PCDHGA3: variants seen among roughly 807,000 people sequenced by gnomAD.
PCDHGA3 encodes protocadherin gamma subfamily A, 3, also known as protocadherin gamma-A3.
Under a neutral mutation model 58.5 loss-of-function variants are expected in PCDHGA3, and 40 were observed. That is an observed-to-expected ratio of 0.68 (90% CI 0.53 to 0.89). The LOEUF is 0.89. Ranked by LOEUF, PCDHGA3 falls within the 40% of genes least tolerant of loss-of-function variation. The probability of loss-of-function intolerance (pLI) is 0.00; values close to 1 mark genes in which losing one functional copy is unlikely to be tolerated. For missense variants in PCDHGA3, 1,223 were observed against 1,195.9 expected (o/e 1.02, Z -0.33); for synonymous variants, 530 against 525.7 (o/e 1.01, Z -0.11).
At chr5:141,418,848 G>C (rs770294020) in intron 1 of PCDHGA3, 1 of 1,613,836 alleles carries the variant, frequency 6.2e-7, no homozygotes, top group Non-Finnish European at 8.5e-7. Flanking sequence ...CTCTCAACAC[G>C]GTGTAAAGTA....
intron 2 of PCDHGA3, among the ~76,000 whole-genome samples, chr5:141,497,879 G>A (rs62379207): frequency 4.6e-4 from 70 of 152,244 alleles, no homozygotes; most frequent in Non-Finnish European, 8.2e-4. Flanking sequence ...TGAAATAAGC[G>A]TTAGGATCTA....
chr5:141,459,574 T>G (rs1163443021), intron 1 of PCDHGA3, among the ~76,000 whole-genome samples: 6 of 152,226 alleles, frequency 3.9e-5, no homozygotes, highest in African/African-American at 1.4e-4. Flanking sequence ...AAAACAGAAT[T>G]GTTTTGGGGG....
At chr5:141,465,657 G>A (rs904553709) in intron 1 of PCDHGA3, among the ~76,000 whole-genome samples, 4 of 152,130 alleles carry the variant, frequency 2.6e-5, no homozygotes, top group East Asian at 1.9e-4. Flanking sequence ...CCAAAAAAGC[G>A]CTTGCCATGA....
intron 1 of PCDHGA3, chr5:141,357,273 C>T (rs111314276): frequency 6.2e-7 from 1 of 1,613,852 alleles, no homozygotes. Context: ...GCCTCACACT[C>T]TATCTCGTGG....
At chr5:141,378,443 A>C (rs1022226439) in intron 1 of PCDHGA3, 2 of 152,300 alleles carry the variant, frequency 1.3e-5, no homozygotes, top group Non-Finnish European at 2.9e-5. Context: ...GAATCGCTTG[A>C]ACCCATGAGG....
At chr5:141,415,478 GA>G (rs1209443921) in intron 1 of PCDHGA3, 2 of 1,613,964 alleles carry the variant, frequency 1.2e-6, no homozygotes, top group Non-Finnish European at 1.7e-6. Context: ...GCGGACTCGC[GA>G]AAGAGTCACC....
intron 1 of PCDHGA3, among the ~76,000 whole-genome samples, chr5:141,446,193 T>C (rs1402824950): frequency 6.6e-6 from 1 of 152,208 alleles, no homozygotes; most frequent in East Asian, 1.9e-4. Flanking sequence ...TTTATTATTA[T>C]ATTCCTAGGT....
intron 3 of PCDHGA3, among the ~76,000 whole-genome samples, chr5:141,505,729 G>A (rs1026403192): frequency 7.9e-5 from 12 of 152,286 alleles, no homozygotes; most frequent in African/African-American, 2.9e-4. Flanking sequence ...AGGGAATAGT[G>A]GTTACAAGTC....
At chr5:141,409,973 G>A in intron 1 of PCDHGA3, 1 of 1,613,380 alleles carries the variant, frequency 6.2e-7, no homozygotes, top group Non-Finnish European at 8.5e-7. Context: ...AGTGACTAAG[G>A]TGGTAGCGGT....
rs117064561 is a variant in PCDHGA3, at chr5:141,470,737, G to T, written c.2425-24070G>T. Among the ~76,000 whole-genome samples the T allele has an allele frequency of 1.9e-3, 295 of 152,132 alleles. 7 individuals carry two copies. In the East Asian group the frequency reaches 0.046, roughly 24 times the overall value. On this transcript the variant is annotated intron_variant, in intron 1 of 3. Coordinates refer to ENST00000253812, the MANE Select transcript of PCDHGA3 (RefSeq NM_018916.4). ...TTTTGAGTCAGGGTCTTGCTCTGTC[G>T]CCCTGGCTGGAGTGCAGTGGACTCA...
chr5:141,422,194 C>A, intron 1 of PCDHGA3: 1 of 1,562,366 alleles, frequency 6.4e-7, no homozygotes, highest in South Asian at 1.2e-5. Flanking sequence ...AATTCAAGGC[C>A]AAGATGGTGG....
intron 1 of PCDHGA3, among the ~76,000 whole-genome samples, chr5:141,457,190 G>A (rs2098913282): frequency 6.6e-6 from 1 of 152,200 alleles, no homozygotes; most frequent in African/African-American, 2.4e-5. Context: ...GTAGAGTGAG[G>A]AAAGCAGTTC....
rs778626948 is a variant in PCDHGA3 at position 141,346,211 on chromosome 5, G to A, written c.2178G>A (p.Gln726=). ...LRRWHKSRLL[Q]ASGGGLASTP... Reference sequence around the variant, plus strand: ...GCTGGCACAAGTCACGCCTGCTGCAGGCTTCGGGAGGCGGCTTGGCGAGTA... The same window carrying A: ...GCTGGCACAAGTCACGCCTGCTGCAAGCTTCGGGAGGCGGCTTGGCGAGTA... Residue 726 remains glutamine, a synonymous_variant, in exon 1 of 4, where the codon CAG becomes CAA. Coordinates refer to ENST00000253812, the MANE Select transcript of PCDHGA3 (RefSeq NM_018916.4). 2.5e-6 allele frequency: 4 copies of A among 1,614,182 alleles called. No homozygotes were observed. The highest frequency in any genetic ancestry group is 8.5e-7 in the Non-Finnish European group (1 of 1,180,026).
intron 1 of PCDHGA3, chr5:141,372,877 A>G: frequency 1.6e-6 from 2 of 1,270,298 alleles, no homozygotes; most frequent in Non-Finnish European, 2.1e-6. Flanking sequence ...TAGAGATAAA[A>G]AGAATACAGA....
In PCDHGA3 at chr5:141,423,270, T is replaced by G. The variant is rs1304998648; in HGVS notation, c.2425-71537T>G. 3 of 1,613,686 alleles carry G rather than the reference T, an allele frequency of 1.9e-6. No homozygotes were observed. The African/African-American group carries it at 4.0e-5, about 22-fold the overall frequency. ...TGGCGGACCTCGGCAGCCTCGAGTC[T>G]CTGGCTAACTCTGAAACCTCAGACC... is the stretch of plus-strand genomic sequence containing the variant. On this transcript the variant is annotated intron_variant, in intron 1 of 3. Transcript: ENST00000253812.
At chr5:141,368,540 A>AT (rs34785174) in intron 1 of PCDHGA3, among the ~76,000 whole-genome samples, 26 of 152,116 alleles carry the variant, frequency 1.7e-4, no homozygotes, top group South Asian at 6.2e-4. Flanking sequence ...TTGCTTTTCC[A>AT]TTTTTTTTAA....
At chr5:141,385,312 C>T (rs1781113045) in intron 1 of PCDHGA3, 1 of 1,611,422 alleles carries the variant, frequency 6.2e-7, no homozygotes, top group African/African-American at 1.3e-5. Context: ...AGAAAACCTG[C>T]CAAGTATTCA....
chr5:141,365,477 G>A, intron 1 of PCDHGA3: 3 of 1,613,994 alleles, frequency 1.9e-6, no homozygotes, highest in Non-Finnish European at 2.5e-6. Flanking sequence ...TGGTGAGATT[G>A]CATGCTCTAT....
At chr5:141,440,443 T>A (rs979101512) in intron 1 of PCDHGA3, 2 of 152,152 alleles carry the variant, frequency 1.3e-5, no homozygotes, top group Admixed American at 1.3e-4. Flanking sequence ...CAAGGCGCCA[T>A]CTCAAAAAAA....
Sources: gnomAD v4.1 joint callset for allele counts (sites outside exome capture counted in the v4.1 genomes callset) on GRCh38, gnomAD v4.1.1 for gene constraint, MANE v1.5 for transcripts, NCBI Gene and HGNC (gene_info 2026-07-23, HGNC 2026-07-21) for gene names.